The following BTBD2 variants were observed in gnomAD, a reference collection of about 807,000 sequenced individuals.
The protein encoded by BTBD2 is BTB domain containing 2.
Under a neutral mutation model 44.0 loss-of-function variants are expected in BTBD2, and 15 were observed. That is an observed-to-expected ratio of 0.34 (90% CI 0.23 to 0.53). The LOEUF is 0.53. BTBD2 is among the 20% of genes least tolerant of loss of function. The probability of loss-of-function intolerance (pLI) is 0.95; values close to 1 mark genes in which losing one functional copy is unlikely to be tolerated. For synonymous variants in BTBD2, 443 were observed against 335.9 expected (o/e 1.32, Z -3.49); for missense variants, 657 against 746.4 (o/e 0.88, Z 1.39).
chr19:1,988,981 C>A (rs997704754), intron 5 of BTBD2, among the ~76,000 whole-genome samples: 1 of 152,112 alleles, frequency 6.6e-6, no homozygotes, highest in African/African-American at 2.4e-5. Flanking sequence ...GGCGCGATCT[C>A]GGCTCATCAC....
At chr19:1,997,051 G>A (rs986821953) in intron 2 of BTBD2, among the ~76,000 whole-genome samples, 3 of 151,792 alleles carry the variant, frequency 2.0e-5, no homozygotes, top group Middle Eastern at 3.2e-3. Flanking sequence ...GTGGTGGCAC[G>A]AGCCTGTAGT....
Position 1,990,159 on chromosome 19 carries a change from C to A in BTBD2, c.833G>T (p.Arg278Leu). The change falls in exon 5 of 9, where the codon CGT becomes CTT. Residue 278 changes from arginine (R) to leucine (L), a missense_variant. This residue lies in a region of BTBD2 where 449 missense variants were observed against 510.9 expected (regional missense o/e 0.88). Coordinates refer to ENST00000255608, the MANE Select transcript of BTBD2 (RefSeq NM_017797.4). ...AVLERDTLGI[R>L]EVRLFNAVVR... ...AACGGCATTGAACAGCCGCACCTCACGGATGCCCAGTGTGTCGCGCTCCAG... is the reference window on the plus strand; with the variant it reads ...AACGGCATTGAACAGCCGCACCTCAAGGATGCCCAGTGTGTCGCGCTCCAG... 1 of 1,610,428 alleles carries A rather than the reference C, an allele frequency of 6.2e-7. No homozygotes were observed. The highest frequency in any genetic ancestry group is 8.5e-7 in the Non-Finnish European group (1 of 1,178,954).
intron 1 of BTBD2, among the ~76,000 whole-genome samples, chr19:2,008,732 C>G (rs767908910): frequency 2.0e-5 from 3 of 151,720 alleles, no homozygotes; most frequent in Non-Finnish European, 4.4e-5. Flanking sequence ...GCAGGGACCA[C>G]AGGCACACAC....
chr19:1,988,367 A>ACAG (rs1291837095), intron 5 of BTBD2: 1 of 152,852 alleles, frequency 6.5e-6, no homozygotes, highest in Non-Finnish European at 1.5e-5. Context: ...GTGCCAGGAC[A>ACAG]CAGCACCCTC....
chr19:1,986,502 T>A lies in BTBD2; in HGVS notation c.1564A>T (p.Ile522Phe). 6.2e-7 allele frequency: 1 copy of A among 1,613,816 alleles called. No individual in the cohort carries two copies. The highest frequency in any genetic ancestry group is 2.2e-5 in the East Asian group (1 of 44,860). The change falls in exon 9 of 9, where the codon ATC (isoleucine) becomes TTC (phenylalanine). Residue 522 changes from isoleucine to phenylalanine, a missense_variant. By Grantham distance (21) the Ile-to-Phe change is conservative (BLOSUM62 0). Transcript: ENST00000255608. Reference protein sequence around the residue: ...SVEDGQIPEVIFYT With the variant: ...SVEDGQIPEVFFYT ...TGTCGGGCAGCCTAGGTGTAGAAGA[T>A]GACCTCGGGGATCTGGCCGTCCTCC...
At chr19:2,004,031 G>T (rs1427377445) in intron 1 of BTBD2, among the ~76,000 whole-genome samples, 3 of 151,934 alleles carry the variant, frequency 2.0e-5, no homozygotes, top group Non-Finnish European at 4.4e-5. Context: ...ATGCGTATCT[G>T]ATTGCTGCCT....
intron 1 of BTBD2, chr19:2,013,655 C>G (rs545331877): frequency 3.1e-6 from 3 of 978,598 alleles, no homozygotes; most frequent in African/African-American, 3.7e-5. Flanking sequence ...GGTGGGGGTC[C>G]GGGGCTGGAG....
intron 1 of BTBD2, chr19:2,013,402 T>C (rs1023737538): frequency 6.9e-6 from 4 of 583,876 alleles, no homozygotes; most frequent in Non-Finnish European, 8.5e-6. Flanking sequence ...GGCTGGGGGC[T>C]GGGGAGGGAG....
intron 2 of BTBD2, 135 bp downstream of exon 2, chr19:1,997,209 C>T: frequency 2.3e-6 from 3 of 1,326,460 alleles, no homozygotes; most frequent in Non-Finnish European, 2.1e-6. Flanking sequence ...CCTCTGGAAC[C>T]CCTCATTGCA....
chr19:1,987,077 C>A, intron 7 of BTBD2, 89 bp downstream of exon 7: 1 of 1,594,888 alleles, frequency 6.3e-7, no homozygotes, highest in Non-Finnish European at 8.6e-7. Context: ...GCACAGGGAC[C>A]AGGGCCGGGG....
chr19:1,987,473 C>T (rs985571961), intron 6 of BTBD2, 27 bp downstream of exon 6: 6 of 1,510,478 alleles, frequency 4.0e-6, no homozygotes, highest in East Asian at 2.5e-5. Context: ...CATGTCCGGA[C>T]CCCCCCGCCT....
At position 1,994,088 on chromosome 19, in the gene BTBD2, G is replaced by C. The variant is rs973928779; in HGVS notation, c.528-912C>G. 2.0e-5 allele frequency among the ~76,000 whole-genome samples: 3 copies of C among 149,360 alleles called. No homozygotes were observed. The Admixed American group carries it at 2.0e-4, about 10-fold the overall frequency. ...TCCCAGCACTTTGAGAGGCCGAGGC[G>C]GGCAGATCACTTGAGGCCAGGAGTT... On this transcript the variant is annotated intron_variant, in intron 2 of 8. Transcript: ENST00000255608.
chr19:1,990,587 C>T (rs554089719), intron 4 of BTBD2, 130 bp downstream of exon 4: 8 of 872,392 alleles, frequency 9.2e-6, no homozygotes, highest in Middle Eastern at 7.0e-4. Flanking sequence ...AAACTCCTGA[C>T]CTGCTGCAAG....
rs575650105 is a variant in BTBD2 at position 2,015,072 on chromosome 19, C to T, written c.407+225G>A. 2.0e-3 allele frequency among the ~76,000 whole-genome samples: 284 copies of T among 144,412 alleles called. 2 individuals are homozygous for T. The highest frequency in any genetic ancestry group is 4.1e-3 in the Middle Eastern group (1 of 244). The allele number at this position is 144,412 out of a possible 152,430, so 94.7% of individuals were successfully genotyped here. On this transcript the variant is annotated intron_variant, in intron 1 of 8. Coordinates refer to ENST00000255608, the MANE Select transcript of BTBD2 (RefSeq NM_017797.4). ...CGGAGGGGTGCAGGGGTCCCAGGGACAGAGGGGTGCAGGGCCTCAGGTGCA... is the reference window on the plus strand; with the variant it reads ...CGGAGGGGTGCAGGGGTCCCAGGGATAGAGGGGTGCAGGGCCTCAGGTGCA...
chr19:1,986,388 CTG>C lies in BTBD2; in HGVS notation c.*98_*99del. Reference sequence around the variant, plus strand: ...GAGTGGACAGACGGCCTGGGGGACACTGGGCCTGGCACCGCGTGGTGGGGGGG... The same window carrying C: ...GAGTGGACAGACGGCCTGGGGGACACGGCCTGGCACCGCGTGGTGGGGGGG... On this transcript the variant is annotated 3_prime_UTR_variant, in exon 9 of 9. Coordinates refer to ENST00000255608, the MANE Select transcript of BTBD2 (RefSeq NM_017797.4). The C allele has an allele frequency of 4.1e-6, 6 of 1,454,148 alleles. No homozygotes were observed. The highest frequency in any genetic ancestry group is 2.8e-5 in the African/African-American group (2 of 72,110). The allele number at this position is 1,454,148 out of a possible 1,614,324, so 90.1% of individuals were successfully genotyped here.
rs1390971915 is a variant in BTBD2, at chr19:1,986,369, A to T, written c.*119T>A. ...TGCTGAGAAAGGTGGCATGGAGTGGACAGACGGCCTGGGGGACACTGGGCC... is the reference window on the plus strand; with the variant it reads ...TGCTGAGAAAGGTGGCATGGAGTGGTCAGACGGCCTGGGGGACACTGGGCC... On this transcript the variant is annotated 3_prime_UTR_variant, in exon 9 of 9. Coordinates refer to ENST00000255608, the MANE Select transcript of BTBD2 (RefSeq NM_017797.4). The T allele has an allele frequency of 7.9e-7, 1 of 1,269,046 alleles. No homozygotes were observed. 78.6% of individuals were successfully genotyped at this position (1,269,046 alleles called of 1,614,324 possible). A position where few individuals can be genotyped will look rare whatever the true frequency, so the allele number is the denominator to read the frequency against.
At chr19:1,989,826 G>A (rs1163722042) in intron 5 of BTBD2, 178 bp downstream of exon 5, 18 of 683,980 alleles carry the variant, frequency 2.6e-5, no homozygotes, top group East Asian at 5.5e-5. Flanking sequence ...GAGCCGGGCC[G>A]GGGCTAACAG....
chr19:1,999,300 G>A (rs1283014182), intron 1 of BTBD2, among the ~76,000 whole-genome samples: 3 of 152,222 alleles, frequency 2.0e-5, no homozygotes, highest in East Asian at 1.9e-4. Context: ...GAAACAGGCC[G>A]GTGCTAACTC....
At chr19:2,007,682 C>T (rs1289195121) in intron 1 of BTBD2, among the ~76,000 whole-genome samples, 8 of 152,060 alleles carry the variant, frequency 5.3e-5, no homozygotes, top group Non-Finnish European at 1.0e-4. Flanking sequence ...AAAAATTAGC[C>T]GGGTGTGGTG....
Sources: gnomAD v4.1 joint callset for allele counts (sites outside exome capture counted in the v4.1 genomes callset) on GRCh38, gnomAD v4.1.1 for gene constraint, gnomAD v4.1.1 regional missense constraint, MANE v1.5 for transcripts, NCBI Gene and HGNC (gene_info 2026-07-23, HGNC 2026-07-21) for gene names.